Variants in RBFOX1 observed in about 807,000 individuals in gnomAD.
The protein encoded by RBFOX1 is RNA binding fox-1 homolog 1.
In RBFOX1, 8 loss-of-function variants were observed where a neutral mutation model predicts 57.7. That is an observed-to-expected ratio of 0.14 (90% CI 0.08 to 0.25). RBFOX1 has a LOEUF of 0.25. Among genes scored for constraint, RBFOX1 ranks in the 10% least tolerant of loss-of-function variants. The probability of loss-of-function intolerance (pLI) is 1.00; values close to 1 mark genes in which losing one functional copy is unlikely to be tolerated. For synonymous variants in RBFOX1, 326 were observed against 222.4 expected (o/e 1.47, Z -4.15); for missense variants, 611 against 548.5 (o/e 1.11, Z -1.14).
chr16:6,161,544 A>G (rs6500762), intron 1 of RBFOX1, among the ~76,000 whole-genome samples: 90,189 of 152,016 alleles, frequency 0.59, 27,943 homozygotes, highest in African/African-American at 0.73. Flanking sequence ...TAACATCCGC[A>G]TCCAAACATA....
intron 4 of RBFOX1, among the ~76,000 whole-genome samples, chr16:7,063,385 G>C (rs975840798): frequency 6.6e-6 from 1 of 152,080 alleles, no homozygotes; most frequent in Non-Finnish European, 1.5e-5. Context: ...AACTTGTGAT[G>C]TTACGGGATC....
intron 5 of RBFOX1, among the ~76,000 whole-genome samples, chr16:7,559,335 T>C (rs2089710212): frequency 6.6e-6 from 1 of 152,206 alleles, no homozygotes; most frequent in African/African-American, 2.4e-5. Context: ...CTTTCTCACC[T>C]AGTCTCTCTT....
chr16:7,580,717 G>C (rs1000462093), intron 6 of RBFOX1, among the ~76,000 whole-genome samples: 2 of 152,130 alleles, frequency 1.3e-5, no homozygotes, highest in African/African-American at 2.4e-5. Flanking sequence ...ACTTTGGGAA[G>C]ACATGAGTTT....
intron 1 of RBFOX1, among the ~76,000 whole-genome samples, chr16:5,347,281 G>A (rs1245743596): frequency 6.6e-6 from 1 of 152,120 alleles, no homozygotes; most frequent in East Asian, 1.9e-4. Flanking sequence ...TACATTCAGT[G>A]CTGTATATGT....
intron 3 of RBFOX1, among the ~76,000 whole-genome samples, chr16:6,759,302 C>T (rs1483068555): frequency 3.3e-5 from 5 of 152,102 alleles, no homozygotes; most frequent in Non-Finnish European, 2.9e-5. Flanking sequence ...AGGTGCATGG[C>T]ACCACAGCTG....
At chr16:7,529,914 C>G (rs548849303) in intron 5 of RBFOX1, among the ~76,000 whole-genome samples, 131 of 148,248 alleles carry the variant, frequency 8.8e-4, no homozygotes, top group Non-Finnish European at 1.8e-3. Context: ...GAGGCGGAGG[C>G]AGGAGAATCA....
intron 4 of RBFOX1, among the ~76,000 whole-genome samples, chr16:5,921,245 C>T (rs551036764): frequency 1.6e-4 from 24 of 152,310 alleles, no homozygotes; most frequent in African/African-American, 5.5e-4. Flanking sequence ...TTCTGTGTAG[C>T]TTCTCATGTG....
chr16:6,826,682 G>T (rs2092188044), intron 3 of RBFOX1, among the ~76,000 whole-genome samples: 1 of 151,978 alleles, frequency 6.6e-6, no homozygotes, highest in Non-Finnish European at 1.5e-5. Context: ...TAAGAGCTCA[G>T]GAGAGAGGAC....
At chr16:7,217,009 TTCCCTCCCTCCCTCCCTCCC>T (rs1199769051) in intron 4 of RBFOX1, among the ~76,000 whole-genome samples, 30 of 16,836 alleles carry the variant, frequency 1.8e-3, no homozygotes, top group Middle Eastern at 0.042. Flanking sequence ...CCTCCCTCCC[TTCCCTCCCTCCCTCCCTCCC>T]TCCCTCCCTC....
chr16:5,327,789 T>C (rs990140780), intron 1 of RBFOX1, among the ~76,000 whole-genome samples: 5 of 152,216 alleles, frequency 3.3e-5, no homozygotes. Context: ...TACACAAAGA[T>C]AATTTTCCTG....
intron 13 of RBFOX1, among the ~76,000 whole-genome samples, chr16:7,675,937 C>T (rs1055801956): frequency 3.3e-5 from 5 of 152,184 alleles, no homozygotes; most frequent in African/African-American, 1.2e-4. Flanking sequence ...CTGTTATATT[C>T]ACAGTTTGAT....
At chr16:5,390,124 A>G (rs2066363701) in intron 1 of RBFOX1, among the ~76,000 whole-genome samples, 1 of 152,178 alleles carries the variant, frequency 6.6e-6, no homozygotes, top group South Asian at 2.1e-4. Context: ...TATGAATTCT[A>G]ACACTGATGA....
intron 2 of RBFOX1, among the ~76,000 whole-genome samples, chr16:6,568,928 A>G (rs2097305465): frequency 6.6e-6 from 1 of 152,066 alleles, no homozygotes; most frequent in South Asian, 2.1e-4. Flanking sequence ...ACGTGCCATT[A>G]TGCCCACGTG....
At chr16:7,353,023 C>G (rs930253170) in intron 4 of RBFOX1, among the ~76,000 whole-genome samples, 1 of 152,130 alleles carries the variant, frequency 6.6e-6, no homozygotes, top group Non-Finnish European at 1.5e-5. Context: ...GCCCATACCA[C>G]TTTTCCATAT....
intron 3 of RBFOX1, among the ~76,000 whole-genome samples, chr16:5,736,516 C>T (rs1023238749): frequency 3.3e-5 from 5 of 152,098 alleles, no homozygotes; most frequent in African/African-American, 7.2e-5. Flanking sequence ...GAGGAGGGCT[C>T]GCCACCCTGT....
chr16:6,758,914 G>T (rs772010948), intron 3 of RBFOX1, among the ~76,000 whole-genome samples: 1 of 152,052 alleles, frequency 6.6e-6, no homozygotes, highest in Non-Finnish European at 1.5e-5. Flanking sequence ...TGTTCAGGGA[G>T]TCGGGGGGGA....
intron 3 of RBFOX1, among the ~76,000 whole-genome samples, chr16:5,806,908 A>T (rs1241642496): frequency 1.3e-5 from 2 of 152,074 alleles, no homozygotes; most frequent in Admixed American, 6.5e-5. Flanking sequence ...AGAGCCACTT[A>T]CCGAAGCAGC....
At chr16:6,840,395 C>G (rs555964527) in intron 3 of RBFOX1, among the ~76,000 whole-genome samples, 1 of 152,208 alleles carries the variant, frequency 6.6e-6, no homozygotes, top group South Asian at 2.1e-4. Flanking sequence ...TCCTCCATTC[C>G]TTCATTAAAT....
At chr16:5,835,317 G>A (rs2056423845) in intron 3 of RBFOX1, among the ~76,000 whole-genome samples, 1 of 152,200 alleles carries the variant, frequency 6.6e-6, no homozygotes, top group East Asian at 1.9e-4. Flanking sequence ...GGAAAGGGCA[G>A]GGCACGTAGA....
Sources: gnomAD v4.1 joint callset for allele counts (sites outside exome capture counted in the v4.1 genomes callset) on GRCh38, gnomAD v4.1.1 for gene constraint, MANE v1.5 for transcripts, NCBI Gene and HGNC (gene_info 2026-07-23, HGNC 2026-07-21) for gene names.